SDK1: variants seen among roughly 807,000 people sequenced by gnomAD.
SDK1 encodes the protein protein sidekick-1.
SDK1 carries 157 observed loss-of-function variants against 245.5 expected under a neutral mutation model. The observed-to-expected ratio is 0.64, with a 90% confidence interval of 0.56 to 0.73. The LOEUF (loss-of-function observed/expected upper bound fraction) is 0.73, where lower values mean the gene tolerates loss of function less well. SDK1 is among the 30% of genes least tolerant of loss of function. The pLI, the probability that SDK1 is intolerant of heterozygous loss-of-function variation, is 0.00. For missense variants in SDK1, 3,583 were observed against 3,002.3 expected (o/e 1.19, Z -4.52); for synonymous variants, 1,647 against 1,278.5 (o/e 1.29, Z -6.15).
chr7:3,501,807 G>A (rs1782223454), intron 1 of SDK1, among the ~76,000 whole-genome samples: 2 of 151,978 alleles, frequency 1.3e-5, no homozygotes, highest in South Asian at 4.1e-4. Context: ...ACAAGTAATG[G>A]GACACTGTAT....
chr7:3,861,088 C>A (rs1462231655), intron 5 of SDK1, among the ~76,000 whole-genome samples: 1 of 152,194 alleles, frequency 6.6e-6, no homozygotes, highest in Admixed American at 6.5e-5. Context: ...AGCTCTGTAA[C>A]CCTTCAGTCT....
chr7:3,329,023 T>C (rs1780002758), intron 1 of SDK1, among the ~76,000 whole-genome samples: 1 of 152,172 alleles, frequency 6.6e-6, no homozygotes, highest in African/African-American at 2.4e-5. Context: ...ATGTAGTCTT[T>C]TACGATGTTC....
intron 1 of SDK1, among the ~76,000 whole-genome samples, chr7:3,555,483 T>C (rs999069812): frequency 2.0e-5 from 3 of 152,104 alleles, no homozygotes; most frequent in Admixed American, 6.6e-5. Flanking sequence ...AAAGAAAACA[T>C]TGGGGAAACT....
intron 20 of SDK1, among the ~76,000 whole-genome samples, chr7:4,071,309 G>C (rs1054172752): frequency 1.3e-5 from 2 of 152,202 alleles, no homozygotes; most frequent in African/African-American, 4.8e-5. Context: ...ACTGGCATGA[G>C]CCACCACGCC....
chr7:4,259,087 T>G (rs1787805077), intron 44 of SDK1, among the ~76,000 whole-genome samples: 1 of 152,154 alleles, frequency 6.6e-6, no homozygotes, highest in Non-Finnish European at 1.5e-5. Flanking sequence ...CCGTTTTAGT[T>G]TACGCAGAGC....
intron 4 of SDK1, among the ~76,000 whole-genome samples, chr7:3,650,940 T>C (rs1782995082): frequency 6.6e-6 from 1 of 151,998 alleles, no homozygotes; most frequent in Non-Finnish European, 1.5e-5. Context: ...CCATAATGTG[T>C]AGTTTATAAT....
intron 5 of SDK1, among the ~76,000 whole-genome samples, chr7:3,889,528 G>A (rs549867786): frequency 2.0e-5 from 3 of 152,024 alleles, no homozygotes; most frequent in South Asian, 4.2e-4. Flanking sequence ...TTTTTTTAGG[G>A]ATGGTGTCTT....
At chr7:4,111,461 G>T (rs575039806) in intron 23 of SDK1, among the ~76,000 whole-genome samples, 1 of 152,024 alleles carries the variant, frequency 6.6e-6, no homozygotes, top group East Asian at 1.9e-4. Flanking sequence ...GTAATTCAGG[G>T]ACTAAAAGGT....
Position 4,067,910 on chromosome 7 carries a change from C to T in SDK1, c.2984C>T (p.Pro995Leu). ...TCTCTCAAGGTCAGCTGGCAGGAGC[C>T]CCTGGAGAAAAATGGCATCATTACT... Reference protein sequence around the residue: ...DTSLKVSWQEPLEKNGIITGY... With the variant: ...DTSLKVSWQELLEKNGIITGY... Residue 995 changes from proline to leucine, a missense_variant, in exon 20 of 45, where the codon CCC becomes CTC. Physicochemically the swap from Pro to Leu is moderately conservative, Grantham distance 98 (BLOSUM62 -3). Transcript: ENST00000404826. The T allele has an allele frequency of 1.2e-6, 2 of 1,612,648 alleles. No homozygotes were observed. The highest frequency in any genetic ancestry group is 1.7e-6 in the Non-Finnish European group (2 of 1,179,344).
intron 32 of SDK1, among the ~76,000 whole-genome samples, chr7:4,165,494 C>G (rs753067265): frequency 6.6e-6 from 1 of 151,960 alleles, no homozygotes; most frequent in Non-Finnish European, 1.5e-5. Flanking sequence ...GGATCCAGTT[C>G]TGTTTGAAAG....
chr7:4,070,670 C>G (rs1477088350), intron 20 of SDK1, among the ~76,000 whole-genome samples: 3 of 152,040 alleles, frequency 2.0e-5, no homozygotes, highest in Non-Finnish European at 4.4e-5. Context: ...TGCCCACAGC[C>G]CATACACAAG....
In SDK1 at chr7:3,389,398, A is replaced by G. The variant is rs988210454; in HGVS notation, c.298+87514A>G. 2.6e-5 allele frequency among the ~76,000 whole-genome samples: 4 copies of G among 152,164 alleles called. 1 individual carries two copies. Among genetic ancestry groups the G allele is most frequent in the Non-Finnish European group, 1.5e-5 (1 of 68,022 alleles). Reference sequence around the variant, plus strand: ...CAACTACGAGACATAAACAGAGCAAAGCAGAGTCAGAGAAAATGCTACACC... The same window carrying G: ...CAACTACGAGACATAAACAGAGCAAGGCAGAGTCAGAGAAAATGCTACACC... On this transcript the variant is annotated intron_variant, in intron 1 of 44. Coordinates refer to ENST00000404826, the MANE Select transcript of SDK1 (RefSeq NM_152744.4).
intron 26 of SDK1, among the ~76,000 whole-genome samples, chr7:4,128,380 A>G (rs912340379): frequency 5.3e-5 from 8 of 152,172 alleles, no homozygotes; most frequent in South Asian, 4.1e-4. Context: ...TCAGTGACCA[A>G]AACTTCACAC....
rs982289623 is a variant in SDK1 at position 3,977,939 on chromosome 7, C to G, written c.1994+3394C>G. 5.9e-5 allele frequency among the ~76,000 whole-genome samples: 9 copies of G among 152,180 alleles called. No individual in the cohort carries two copies. In the East Asian group the frequency reaches 1.2e-3, roughly 20 times the overall value. ...GGCCTCCTTCTGTTCCCTACTCGTA[C>G]CTTGATGCTCACATGCCCTGGTTTC... On this transcript the variant is annotated intron_variant, in intron 13 of 44. Transcript: ENST00000404826.
At chr7:3,713,243 G>A (rs6462250) in intron 4 of SDK1, among the ~76,000 whole-genome samples, 21,845 of 152,196 alleles carry the variant, frequency 0.14, 2,492 homozygotes, top group African/African-American at 0.31. Context: ...AGGATAAGAA[G>A]GATAATGATC....
chr7:3,683,289 A>G (rs1784166535), intron 4 of SDK1, among the ~76,000 whole-genome samples: 1 of 152,202 alleles, frequency 6.6e-6, no homozygotes, highest in Non-Finnish European at 1.5e-5. Context: ...TGCACTTGCC[A>G]AATACTTGCT....
At chr7:3,527,757 G>T (rs73303052) in intron 1 of SDK1, among the ~76,000 whole-genome samples, 4 of 149,434 alleles carry the variant, frequency 2.7e-5, no homozygotes, top group Admixed American at 1.3e-4. Context: ...ATAGCTAGGG[G>T]GTGAGTAGTG....
intron 28 of SDK1, among the ~76,000 whole-genome samples, chr7:4,144,193 G>A (rs999419690): frequency 6.6e-6 from 1 of 152,128 alleles, no homozygotes; most frequent in Non-Finnish European, 1.5e-5. Flanking sequence ...GGCTGCCCTC[G>A]GTCAGTCAGT....
At chr7:3,556,732 G>C (rs1354148049) in intron 1 of SDK1, among the ~76,000 whole-genome samples, 2 of 152,092 alleles carry the variant, frequency 1.3e-5, no homozygotes, top group East Asian at 1.9e-4. Flanking sequence ...TGAGGCAGGA[G>C]GCAGTGAGCC....
Sources: allele counts gnomAD v4.1 joint callset (sites outside exome capture counted in the v4.1 genomes callset), GRCh38; gene constraint gnomAD v4.1.1; transcripts MANE v1.5; gene names NCBI Gene and HGNC (gene_info 2026-07-23, HGNC 2026-07-21).